The following HSD17B12 variants were observed in gnomAD, a reference collection of about 807,000 sequenced individuals.
HSD17B12 encodes the protein hydroxysteroid 17-beta dehydrogenase 12.
In HSD17B12, 32 loss-of-function variants were observed where a neutral mutation model predicts 39.3. That is an observed-to-expected ratio of 0.81 (90% CI 0.61 to 1.09). The LOEUF (loss-of-function observed/expected upper bound fraction) is 1.09. HSD17B12 is among the 50% of genes least tolerant of loss of function. The pLI is 0.00. For synonymous variants in HSD17B12, 150 were observed against 146.7 expected, an observed-to-expected ratio of 1.02 and a Z score of -0.16; for missense variants, 342 against 382.9, an observed-to-expected ratio of 0.89 and a Z score of 0.89.
chr11:43,633,214 C>T, the HSD17B12 span, among the ~76,000 whole-genome samples: 3 of 152,130 alleles, frequency 2.0e-5, no homozygotes, highest in East Asian at 3.9e-4. Context: ...AGCTCAGTCA[C>T]ATGTAAATCA....
the HSD17B12 span, among the ~76,000 whole-genome samples, chr11:43,581,645 T>C: frequency 6.6e-6 from 1 of 152,206 alleles, no homozygotes; most frequent in South Asian, 2.1e-4. This position sits in a 1 kb window ranked among gnomAD's most constrained non-coding sequence, Gnocchi z 4.9. Flanking sequence ...TCACCTGTCT[T>C]CCCTCCGAGC....
chr11:43,791,167 C>T (rs1252532161), intron 3 of HSD17B12, among the ~76,000 whole-genome samples: 1 of 152,216 alleles, frequency 6.6e-6, no homozygotes, highest in Non-Finnish European at 1.5e-5. Context: ...GCATCCCAGG[C>T]TCTTCCAGTG....
At chr11:43,636,276 G>A in the HSD17B12 span, among the ~76,000 whole-genome samples, 14 of 152,114 alleles carry the variant, frequency 9.2e-5, no homozygotes, top group East Asian at 1.9e-4. Context: ...TTAGTAGACC[G>A]GAAGCCTTTA....
At chr11:43,779,461 G>T (rs906827393) in intron 3 of HSD17B12, among the ~76,000 whole-genome samples, 1 of 152,186 alleles carries the variant, frequency 6.6e-6, no homozygotes, top group Non-Finnish European at 1.5e-5. Flanking sequence ...ACCAAGAGCT[G>T]TTTCTGGACC....
At chr11:43,713,119 T>C (rs1228312476) in intron 1 of HSD17B12, among the ~76,000 whole-genome samples, 1 of 152,212 alleles carries the variant, frequency 6.6e-6, no homozygotes, top group Non-Finnish European at 1.5e-5. Context: ...AATTTGGTAG[T>C]CACCAGCTTT....
the HSD17B12 span, among the ~76,000 whole-genome samples, chr11:43,650,646 A>G: frequency 7.9e-5 from 12 of 152,282 alleles, no homozygotes; most frequent in South Asian, 2.1e-3. Flanking sequence ...AAATGTGAGG[A>G]TGTTCATCAC....
chr11:43,685,978 T>C (rs1301975022), intron 1 of HSD17B12, among the ~76,000 whole-genome samples: 1 of 152,246 alleles, frequency 6.6e-6, no homozygotes, highest in African/African-American at 2.4e-5. Context: ...TTTGCAACCA[T>C]AAATCTTGTC....
chr11:43,793,717 C>G (rs1950890692), intron 3 of HSD17B12, among the ~76,000 whole-genome samples: 1 of 152,110 alleles, frequency 6.6e-6, no homozygotes, highest in Non-Finnish European at 1.5e-5. Flanking sequence ...GGTTCAGTTC[C>G]TTTTCTGTCA....
In HSD17B12 at chr11:43,831,008, A is replaced by G; in HGVS notation, c.534A>G (p.Glu178=). 6.2e-7 allele frequency: 1 copy of G among 1,606,828 alleles called. No homozygotes were observed. The highest frequency in any genetic ancestry group is 8.5e-7 in the Non-Finnish European group (1 of 1,176,486). Residue 178 remains glutamate, a splice_region_variant and synonymous_variant, in exon 7 of 11, where the codon GAA becomes GAG. Coordinates refer to ENST00000278353, the MANE Select transcript of HSD17B12 (RefSeq NM_016142.3). This position sits in a 1 kb window ranked among gnomAD's most constrained non-coding sequence, Gnocchi z 4.1. ...AATTGGTACTGCCTGGCATGGTGGAAAGGTGAGTCACAAGCTCACATACAA... is the reference window on the plus strand; with the variant it reads ...AATTGGTACTGCCTGGCATGGTGGAGAGGTGAGTCACAAGCTCACATACAA... The part of the protein sequence containing the change: ...MTQLVLPGMV[E]RSKGAILNIS...
the HSD17B12 span, among the ~76,000 whole-genome samples, chr11:43,617,219 G>A: frequency 7.2e-5 from 11 of 152,256 alleles, no homozygotes; most frequent in Non-Finnish European, 1.6e-4. Flanking sequence ...AGTGACTCAG[G>A]GAGATTTTTC....
chr11:43,854,988 C>A, intron 10 of HSD17B12, 124 bp downstream of exon 10: 55 of 1,092,298 alleles, frequency 5.0e-5, no homozygotes, highest in Non-Finnish European at 6.7e-5. Flanking sequence ...AACAAGATAT[C>A]TATATCTTGT....
the HSD17B12 span, chr11:43,645,194 G>A: frequency 6.6e-6 from 1 of 152,190 alleles, no homozygotes; most frequent in Non-Finnish European, 1.5e-5. Flanking sequence ...GTAATGTCGT[G>A]TATCACAATC....
At chr11:43,799,963 A>G (rs1263855285) in intron 4 of HSD17B12, among the ~76,000 whole-genome samples, 1 of 152,206 alleles carries the variant, frequency 6.6e-6, no homozygotes, top group Non-Finnish European at 1.5e-5. Flanking sequence ...GAAGACCAAT[A>G]GGTAAAAATG....
chr11:43,803,304 C>T (rs1055252202), intron 4 of HSD17B12, among the ~76,000 whole-genome samples: 6 of 152,106 alleles, frequency 3.9e-5, no homozygotes, highest in East Asian at 1.9e-4. Flanking sequence ...TCTTCTCTCC[C>T]GCATCCCCAT....
At chr11:43,570,052 T>G in the HSD17B12 span, 1 of 152,688 alleles carries the variant, frequency 6.5e-6, no homozygotes, top group East Asian at 1.9e-4. Flanking sequence ...TATTCCTCCC[T>G]CATGCTAGAT....
chr11:43,635,778 A>C, the HSD17B12 span, among the ~76,000 whole-genome samples: 1 of 152,192 alleles, frequency 6.6e-6, no homozygotes, highest in Non-Finnish European at 1.5e-5. Flanking sequence ...TACCAGATTA[A>C]TGTGCTTCTT....
the HSD17B12 span, among the ~76,000 whole-genome samples, chr11:43,662,358 CCTG>C: frequency 2.5e-4 from 37 of 147,012 alleles, no homozygotes; most frequent in African/African-American, 9.1e-4. Context: ...GCCACAACTC[CCTG>C]CTAATTTTAT....
At chr11:43,683,834 T>G (rs1380887659) in intron 1 of HSD17B12, among the ~76,000 whole-genome samples, 1 of 152,202 alleles carries the variant, frequency 6.6e-6, no homozygotes, top group African/African-American at 2.4e-5. Flanking sequence ...TTATTCTTAG[T>G]CTCTTCATGT....
the HSD17B12 span, among the ~76,000 whole-genome samples, chr11:43,666,778 G>T: frequency 2.0e-5 from 3 of 152,160 alleles, no homozygotes; most frequent in Non-Finnish European, 4.4e-5. Flanking sequence ...TACTTCACAC[G>T]ACATTTTCTG....
Sources: gnomAD v4.1 joint callset for allele counts (sites outside exome capture counted in the v4.1 genomes callset) on GRCh38, gnomAD v4.1.1 for gene constraint, Gnocchi (gnomAD v3.1) non-coding constraint, MANE v1.5 for transcripts, NCBI Gene and HGNC (gene_info 2026-07-23, HGNC 2026-07-21) for gene names.